The following CCDC91 variants were observed in gnomAD, a reference collection of about 807,000 sequenced individuals.
CCDC91 encodes coiled-coil domain containing 91.
In CCDC91, 48 loss-of-function variants were observed where a neutral mutation model predicts 63.2. The observed-to-expected ratio is 0.76, with a 90% CI of 0.60 to 0.97. The LOEUF (loss-of-function observed/expected upper bound fraction) is 0.97. Ranked by LOEUF, CCDC91 falls within the 50% of genes least tolerant of loss-of-function variation. The pLI is 0.00. For missense variants in CCDC91, 500 were observed against 494.6 expected (o/e 1.01, Z -0.10); for synonymous variants, 167 against 165.8 (o/e 1.01, Z -0.06).
chr12:28,371,448 G>A (rs1395625315), intron 7 of CCDC91, among the ~76,000 whole-genome samples: 1 of 152,148 alleles, frequency 6.6e-6, no homozygotes, highest in Admixed American at 6.5e-5. Flanking sequence ...TGTCTTCCAT[G>A]ATACCGTTTC....
chr12:28,226,384 C>T (rs1330264869), intron 1 of CCDC91, among the ~76,000 whole-genome samples: 7 of 152,216 alleles, frequency 4.6e-5, no homozygotes, highest in Non-Finnish European at 8.8e-5. Context: ...CTATTTGTTC[C>T]TTATCCTCTT....
intron 12 of CCDC91, among the ~76,000 whole-genome samples, chr12:28,534,585 ACT>A (rs1368944675): frequency 6.6e-6 from 1 of 151,718 alleles, no homozygotes; most frequent in African/African-American, 2.4e-5. Flanking sequence ...ATGTGTAGAA[ACT>A]CTTCCTGATA....
intron 7 of CCDC91, among the ~76,000 whole-genome samples, chr12:28,391,098 ATTG>A (rs950520062): frequency 1.1e-3 from 161 of 152,036 alleles, no homozygotes; most frequent in African/African-American, 3.8e-3. Context: ...GAGCCAAAAA[ATTG>A]TTATCTTGGC....
At position 28,190,581 on chromosome 12, in the gene CCDC91, T is replaced by C; in HGVS notation, c.-75T>C. ...TAGGGGTCTGTGTGCTGGGGGTGGC[T>C]CACCGGGCAGCGTGGGTGAGCGGCG... On this transcript the variant is annotated 5_prime_UTR_variant, in exon 1 of 13. Transcript: ENST00000536442. 6.5e-6 allele frequency: 1 copy of C among 154,574 alleles called. No individual in the cohort carries two copies. The highest frequency in any genetic ancestry group is 1.4e-5 in the Non-Finnish European group (1 of 69,832). 9.6% of individuals were successfully genotyped at this position (154,574 alleles called of 1,614,324 possible). A position where few individuals can be genotyped will look rare whatever the true frequency, so the allele number is the denominator to read the frequency against.
intron 8 of CCDC91, among the ~76,000 whole-genome samples, chr12:28,439,727 T>C (rs1402605399): frequency 1.5e-5 from 2 of 134,972 alleles, no homozygotes; most frequent in Non-Finnish European, 3.5e-5. Context: ...TTTTTCTTTC[T>C]TTTTTCTTTT....
chr12:28,261,277 A>T (rs1401660285), intron 3 of CCDC91, among the ~76,000 whole-genome samples: 1 of 152,030 alleles, frequency 6.6e-6, no homozygotes, highest in Admixed American at 6.6e-5. Context: ...TTAGGGCTGG[A>T]GTTCTTGGTT....
chr12:28,353,594 G>A (rs1592399434), intron 6 of CCDC91, among the ~76,000 whole-genome samples: 5 of 152,128 alleles, frequency 3.3e-5, no homozygotes, highest in Admixed American at 3.3e-4. Context: ...CTGTGTCTCA[G>A]AGAATAGAGA....
At chr12:28,383,754 T>C (rs917283132) in intron 7 of CCDC91, among the ~76,000 whole-genome samples, 1 of 152,144 alleles carries the variant, frequency 6.6e-6, no homozygotes, top group African/African-American at 2.4e-5. Flanking sequence ...ATTTTACTCA[T>C]ATTATTTCTT....
intron 3 of CCDC91, among the ~76,000 whole-genome samples, chr12:28,303,041 T>C (rs1446102749): frequency 6.6e-6 from 1 of 152,038 alleles, no homozygotes; most frequent in Non-Finnish European, 1.5e-5. Flanking sequence ...GGTAGAAATA[T>C]AGGAGATCAT....
At chr12:28,309,634 A>G (rs1468416611) in intron 6 of CCDC91, among the ~76,000 whole-genome samples, 1 of 152,104 alleles carries the variant, frequency 6.6e-6, no homozygotes, top group African/African-American at 2.4e-5. Flanking sequence ...TGCTTCTTGA[A>G]CCAGTCTTAA....
At chr12:28,520,925 GTCTATA>G (rs1940573965) in intron 12 of CCDC91, among the ~76,000 whole-genome samples, 1 of 152,036 alleles carries the variant, frequency 6.6e-6, no homozygotes, top group African/African-American at 2.4e-5. Context: ...TGTTGCATTG[GTCTATA>G]TCTCTGTTTT....
chr12:28,424,775 A>G (rs1948215195), intron 8 of CCDC91, among the ~76,000 whole-genome samples: 2 of 152,056 alleles, frequency 1.3e-5, no homozygotes, highest in Non-Finnish European at 2.9e-5. Flanking sequence ...CAATTCATCA[A>G]TTTTTGCCTT....
intron 3 of CCDC91, chr12:28,302,687 A>T (rs1938211238): frequency 1.0e-6 from 1 of 972,192 alleles, no homozygotes; most frequent in African/African-American, 1.8e-5. Context: ...TTCTGGCTTG[A>T]GCAAATGGTT....
In CCDC91 at chr12:28,318,483, A is replaced by G. The variant is rs182956716; in HGVS notation, c.576+10734A>G. Among the ~76,000 whole-genome samples, 34 of 152,040 alleles carry G rather than the reference A, an allele frequency of 2.2e-4. 1 individual carries two copies. Among genetic ancestry groups the G allele is most frequent in the Admixed American group, 7.9e-4 (12 of 15,228 alleles). ...TTAAGCCCAGGAGTTTGAGGTTGCA[A>G]TGAGCTATGATTGCACCACTGTACT... is the stretch of plus-strand genomic sequence containing the variant. On this transcript the variant is annotated intron_variant, in intron 6 of 12. Transcript: ENST00000536442.
intron 6 of CCDC91, among the ~76,000 whole-genome samples, chr12:28,356,154 G>T (rs1194472562): frequency 6.6e-6 from 1 of 152,136 alleles, no homozygotes. Flanking sequence ...ATGAGACAAT[G>T]TAGAGGTGGA....
At position 28,314,443 on chromosome 12, in the gene CCDC91, A is replaced by G. The variant is rs147745514; in HGVS notation, c.576+6694A>G. Among the ~76,000 whole-genome samples, 876 of 152,184 alleles carry G rather than the reference A, an allele frequency of 5.8e-3. 13 individuals are homozygous for G. The highest frequency in any genetic ancestry group is 0.02 in the African/African-American group (847 of 41,570). On this transcript the variant is annotated intron_variant, in intron 6 of 12. Coordinates refer to ENST00000536442, the MANE Select transcript of CCDC91 (RefSeq NM_018318.5). The stretch of plus-strand genomic sequence containing the variant: ...TAATTGTGCTTTATAAAGTTGGTTA[A>G]GGGGTAGATTAGATCAGTTGCTTGA...
intron 1 of CCDC91, among the ~76,000 whole-genome samples, chr12:28,192,991 A>G (rs1442231802): frequency 1.3e-5 from 2 of 152,174 alleles, no homozygotes; most frequent in Non-Finnish European, 2.9e-5. Flanking sequence ...TGTAAATGGA[A>G]TCATACAGTA....
At chr12:28,348,291 T>C (rs1942950499) in intron 6 of CCDC91, among the ~76,000 whole-genome samples, 1 of 152,130 alleles carries the variant, frequency 6.6e-6, no homozygotes, top group Non-Finnish European at 1.5e-5. Flanking sequence ...GCAGCCTCTG[T>C]CTCCCTTATT....
intron 1 of CCDC91, among the ~76,000 whole-genome samples, chr12:28,212,985 A>G (rs1016157180): frequency 6.6e-6 from 1 of 152,176 alleles, no homozygotes; most frequent in African/African-American, 2.4e-5. Context: ...AGTTATAGTG[A>G]GTTTATTGAT....
Sources: allele counts gnomAD v4.1 joint callset (sites outside exome capture counted in the v4.1 genomes callset), GRCh38; gene constraint gnomAD v4.1.1; transcripts MANE v1.5; gene names NCBI Gene and HGNC (gene_info 2026-07-23, HGNC 2026-07-21).